The following RFTN2 variants were observed in gnomAD, a reference collection of about 807,000 sequenced individuals.
RFTN2 encodes the protein raftlin family member 2.
Under a neutral mutation model 52.7 loss-of-function variants are expected in RFTN2, and 34 were observed. The ratio of observed to expected loss-of-function variants is 0.64; its 90% CI spans 0.49 to 0.86. The LOEUF (loss-of-function observed/expected upper bound fraction) is 0.86, where lower values mean the gene tolerates loss of function less well. RFTN2 is among the 40% of genes least tolerant of loss of function. The pLI is 0.00. For missense variants in RFTN2, 536 were observed against 600.1 expected (o/e 0.89, Z 1.12); for synonymous variants, 203 against 217.7 (o/e 0.93, Z 0.59).
intron 7 of RFTN2, among the ~76,000 whole-genome samples, chr2:197,601,088 G>C (rs1279037059): frequency 6.6e-6 from 1 of 152,230 alleles, no homozygotes; most frequent in African/African-American, 2.4e-5. Flanking sequence ...GGCAGGCTGA[G>C]TTCTCTGCAG....
chr2:197,597,019 A>C (rs1019671683), intron 7 of RFTN2, among the ~76,000 whole-genome samples: 1 of 152,150 alleles, frequency 6.6e-6, no homozygotes, highest in Non-Finnish European at 1.5e-5. Flanking sequence ...TTATGCAAAA[A>C]ACCCCAACAA....
intron 5 of RFTN2, among the ~76,000 whole-genome samples, chr2:197,619,711 T>G (rs1293706048): frequency 1.4e-5 from 2 of 142,114 alleles, no homozygotes; most frequent in African/African-American, 2.6e-5. Flanking sequence ...CAAATCCCCC[T>G]CTGCGAGAAA....
chr2:197,622,487 G>A (rs2088281725), intron 5 of RFTN2, among the ~76,000 whole-genome samples: 1 of 152,064 alleles, frequency 6.6e-6, no homozygotes, highest in Admixed American at 6.6e-5. Flanking sequence ...TGTATTTTTA[G>A]TAGAGGCGGG....
At chr2:197,619,909 C>T (rs1412445726) in intron 5 of RFTN2, among the ~76,000 whole-genome samples, 3 of 143,776 alleles carry the variant, frequency 2.1e-5, no homozygotes, top group African/African-American at 7.7e-5. Flanking sequence ...TCCAACTATA[C>T]ATATAAAAAC....
At chr2:197,631,346 T>C (rs1346797855) in intron 4 of RFTN2, 126 bp from the exon 5 acceptor site, 2 of 733,270 alleles carry the variant, frequency 2.7e-6, no homozygotes, top group Non-Finnish European at 4.8e-6. Context: ...CAAATGTCAA[T>C]AATATGCTAT....
At chr2:197,583,519 C>G (rs1394481579) in intron 8 of RFTN2, among the ~76,000 whole-genome samples, 2 of 152,140 alleles carry the variant, frequency 1.3e-5, no homozygotes, top group African/African-American at 2.4e-5. Flanking sequence ...CCTTCATACC[C>G]TTTACCATCC....
At chr2:197,595,911 T>G in intron 8 of RFTN2, 80 bp downstream of exon 8, 1 of 989,268 alleles carries the variant, frequency 1.0e-6, no homozygotes, top group Non-Finnish European at 1.6e-6. Flanking sequence ...CCACGCTTTC[T>G]TATTTGGAAT....
intron 1 of RFTN2, among the ~76,000 whole-genome samples, chr2:197,655,268 A>G (rs1425364658): frequency 2.6e-5 from 4 of 152,138 alleles, no homozygotes; most frequent in African/African-American, 9.7e-5. Context: ...CCCAAGAAAT[A>G]CCTCGTTTCT....
chr2:197,612,778 C>T (rs538493002), intron 7 of RFTN2, among the ~76,000 whole-genome samples: 2 of 152,198 alleles, frequency 1.3e-5, no homozygotes, highest in South Asian at 4.1e-4. Flanking sequence ...AACCTAGGGA[C>T]GTACTGTATG....
At chr2:197,574,789 A>G (rs2087384702) in intron 8 of RFTN2, among the ~76,000 whole-genome samples, 1 of 152,140 alleles carries the variant, frequency 6.6e-6, no homozygotes, top group Non-Finnish European at 1.5e-5. Context: ...GATCACTTGA[A>G]TCTGGGAGGT....
intron 8 of RFTN2, among the ~76,000 whole-genome samples, chr2:197,590,920 AAAACTCCCCAAG>A (rs1347243468): frequency 7.2e-5 from 11 of 152,170 alleles, no homozygotes; most frequent in Admixed American, 5.2e-4. Flanking sequence ...GTAAAAAAAC[AAAACTCCCCAAG>A]TGGGGAAGAC....
rs1179926378 is a variant in RFTN2 at position 197,617,897 on chromosome 2, T to G, written c.953A>C (p.Glu318Ala). Residue 318 changes from glutamate to alanine, a missense_variant, in exon 6 of 9, where the codon GAA (glutamate) becomes GCA (alanine). Physicochemically the swap from Glu to Ala is moderately radical, Grantham distance 107. Coordinates refer to ENST00000295049, the MANE Select transcript of RFTN2 (RefSeq NM_144629.3). ...SKGEHLPKSL[E>A]GFFIYEEEGS... ...TTCTTCTTCATAGATAAAAAATCCTTCCAAAGATTTAGGCAAATGTTCCCC... is the reference window on the plus strand; with the variant it reads ...TTCTTCTTCATAGATAAAAAATCCTGCCAAAGATTTAGGCAAATGTTCCCC... The G allele has an allele frequency of 6.2e-7, 1 of 1,609,302 alleles. No individual in the cohort carries two copies. Among genetic ancestry groups the G allele is most frequent in the Non-Finnish European group, 8.5e-7 (1 of 1,177,670 alleles).
intron 3 of RFTN2, among the ~76,000 whole-genome samples, chr2:197,635,551 G>A (rs1464055516): frequency 4.7e-5 from 7 of 150,312 alleles, no homozygotes; most frequent in African/African-American, 1.7e-4. Context: ...AGAAGTGTCT[G>A]TTCATGTCCT....
chr2:197,591,067 A>G (rs2087704270), intron 8 of RFTN2, among the ~76,000 whole-genome samples: 1 of 152,160 alleles, frequency 6.6e-6, no homozygotes, highest in African/African-American at 2.4e-5. Context: ...CAGAGAGCTG[A>G]TTGGTCCGTT....
chr2:197,616,409 T>C (rs2088146313), intron 6 of RFTN2, among the ~76,000 whole-genome samples: 2 of 151,904 alleles, frequency 1.3e-5, no homozygotes. Flanking sequence ...CTCCTGCCTC[T>C]GCCGCCTGAG....
chr2:197,629,061 GAA>G (rs1001843876), intron 5 of RFTN2, among the ~76,000 whole-genome samples: 4 of 152,150 alleles, frequency 2.6e-5, no homozygotes, highest in Non-Finnish European at 5.9e-5. Context: ...TCTAGAACTA[GAA>G]ATATCATTTG....
At chr2:197,612,002 T>G (rs1559348729) in intron 7 of RFTN2, among the ~76,000 whole-genome samples, 1 of 152,238 alleles carries the variant, frequency 6.6e-6, no homozygotes, top group South Asian at 2.1e-4. Context: ...TCTGTTCTTT[T>G]ACATTTGCTG....
intron 1 of RFTN2, among the ~76,000 whole-genome samples, chr2:197,659,016 G>C (rs564868464): frequency 6.6e-6 from 1 of 151,872 alleles, no homozygotes; most frequent in Admixed American, 6.6e-5. Context: ...CATAGACAAA[G>C]ATCAAATTTT....
intron 1 of RFTN2, among the ~76,000 whole-genome samples, chr2:197,655,844 T>C (rs1201079495): frequency 2.0e-5 from 3 of 152,022 alleles, no homozygotes; most frequent in Non-Finnish European, 4.4e-5. Context: ...AAACAACTCA[T>C]ATTTGTTTTG....
Sources: allele counts gnomAD v4.1 joint callset (sites outside exome capture counted in the v4.1 genomes callset), GRCh38; gene constraint gnomAD v4.1.1; transcripts MANE v1.5; gene names NCBI Gene and HGNC (gene_info 2026-07-23, HGNC 2026-07-21).